EDN1: variants seen among roughly 807,000 people sequenced by gnomAD.
EDN1 encodes the protein endothelin-1.
EDN1 carries 11 observed loss-of-function variants against 21.7 expected under a neutral mutation model. That is an observed-to-expected ratio of 0.51 (90% confidence interval 0.32 to 0.84). The LOEUF (loss-of-function observed/expected upper bound fraction) is 0.84. Among genes scored for constraint, EDN1 ranks in the 40% least tolerant of loss-of-function variants. The pLI is 0.03. For synonymous variants in EDN1, 85 were observed against 90.6 expected (o/e 0.94, Z 0.35); for missense variants, 244 against 262.3 (o/e 0.93, Z 0.48).
the EDN1 span, among the ~76,000 whole-genome samples, chr6:12,239,979 G>A: frequency 6.6e-6 from 1 of 152,118 alleles, no homozygotes; most frequent in African/African-American, 2.4e-5. Flanking sequence ...TTGAGTGAGA[G>A]AGAGGATTTG....
Position 12,296,002 on chromosome 6 carries a change from G to C in EDN1, c.574G>C (p.Asp192His), listed in dbSNP as rs759433680. The change falls in exon 5 of 5, where the codon GAT (aspartate) becomes CAT (histidine). Residue 192 changes from aspartate (D) to histidine (H), a missense_variant. By Grantham distance (81) the Asp-to-His change is moderately conservative (BLOSUM62 -1). Coordinates refer to ENST00000379375, the MANE Select transcript of EDN1 (RefSeq NM_001955.5). ...AAACAGCGTCAAATCATCTTTTCAT[G>C]ATCCCAAGCTGAAAGGCAAGCCCTC... ...MRNSVKSSFHDPKLKGKPSRE... is the reference protein window; with the variant it reads ...MRNSVKSSFHHPKLKGKPSRE... 1.1e-5 allele frequency: 18 copies of C among 1,613,972 alleles called. No homozygotes were observed. The highest frequency in any genetic ancestry group is 1.4e-5 in the Non-Finnish European group (17 of 1,179,996).
In EDN1 at chr6:12,295,305, G is replaced by A. The variant is rs367722822; in HGVS notation, c.534-657G>A. Among the ~76,000 whole-genome samples, 27 of 152,032 alleles carry A rather than the reference G, an allele frequency of 1.8e-4. No individual in the cohort carries two copies. In the South Asian group the frequency reaches 4.8e-3, roughly 27 times the overall value. ...GATTTGTGGGGCAGCCTCAGCTATC[G>A]GTTTCTTCACACCTGCTTATGAGAG... On this transcript the variant is annotated intron_variant, in intron 4 of 4. Coordinates refer to ENST00000379375, the MANE Select transcript of EDN1 (RefSeq NM_001955.5).
the EDN1 span, among the ~76,000 whole-genome samples, chr6:12,246,532 A>G: frequency 1.3e-5 from 2 of 152,146 alleles, no homozygotes; most frequent in South Asian, 4.1e-4. Context: ...ACACACAAGC[A>G]GTATCTGTAA....
chr6:12,294,920 C>CTTTCTT (rs1762783771), intron 4 of EDN1, among the ~76,000 whole-genome samples: 1 of 107,624 alleles, frequency 9.3e-6, no homozygotes, highest in South Asian at 3.5e-4. Flanking sequence ...GGTTTATGGT[C>CTTTCTT]TTTTTTTTTT....
the EDN1 span, among the ~76,000 whole-genome samples, chr6:12,284,200 G>A: frequency 6.6e-6 from 1 of 152,154 alleles, no homozygotes; most frequent in Admixed American, 6.5e-5. Context: ...GGAGTTTTCT[G>A]AGTCCAGATT....
At chr6:12,252,445 A>T in the EDN1 span, among the ~76,000 whole-genome samples, 544 of 152,336 alleles carry the variant, frequency 3.6e-3, no homozygotes, top group Non-Finnish European at 4.4e-3. Context: ...GTCCCTTGCC[A>T]TGTTAACTGT....
At chr6:12,281,209 T>G in the EDN1 span, among the ~76,000 whole-genome samples, 10 of 152,212 alleles carry the variant, frequency 6.6e-5, no homozygotes, top group African/African-American at 2.2e-4. Flanking sequence ...CTTCCATAAA[T>G]TGGATTTTGA....
chr6:12,242,773 T>C, the EDN1 span, among the ~76,000 whole-genome samples: 6 of 152,028 alleles, frequency 3.9e-5, no homozygotes, highest in Admixed American at 3.3e-4. Flanking sequence ...CCTTTCTGTT[T>C]CTCCAGCCCT....
At chr6:12,247,804 G>T in the EDN1 span, among the ~76,000 whole-genome samples, 1 of 152,026 alleles carries the variant, frequency 6.6e-6, no homozygotes, top group Non-Finnish European at 1.5e-5. Flanking sequence ...CTCCCAAAGT[G>T]CTGGGATTAC....
rs532617635 is a variant in EDN1 at position 12,292,706 on chromosome 6, T to C, written c.233+197T>C. Among the ~76,000 whole-genome samples the C allele has an allele frequency of 2.6e-5, 4 of 152,298 alleles. No homozygotes were observed. In the East Asian group the frequency reaches 5.8e-4, roughly 22 times the overall value. ...CTTAGCAACCAAGGGGAGGGTCTTCTGAGGCCCCGTAGCTCAGGCTACTCA... is the reference window on the plus strand; with the variant it reads ...CTTAGCAACCAAGGGGAGGGTCTTCCGAGGCCCCGTAGCTCAGGCTACTCA... On this transcript the variant is annotated intron_variant, in intron 2 of 4. Coordinates refer to ENST00000379375, the MANE Select transcript of EDN1 (RefSeq NM_001955.5).
At chr6:12,236,289 T>C in the EDN1 span, among the ~76,000 whole-genome samples, 1 of 60,732 alleles carries the variant, frequency 1.6e-5, no homozygotes, top group South Asian at 7.8e-4. Context: ...GCCAAACAAT[T>C]TTTTTTTTTT....
At chr6:12,234,966 T>C in the EDN1 span, among the ~76,000 whole-genome samples, 51,681 of 152,142 alleles carry the variant, frequency 0.34, 9,573 homozygotes, top group South Asian at 0.48. Flanking sequence ...CTTCCTGAAC[T>C]GAAATTCAGT....
chr6:12,285,956 A>G (rs962739394), upstream of EDN1, among the ~76,000 whole-genome samples: 1 of 152,132 alleles, frequency 6.6e-6, no homozygotes, highest in African/African-American at 2.4e-5. Flanking sequence ...AACCATACCA[A>G]CCATGATTTC....
the EDN1 span, among the ~76,000 whole-genome samples, chr6:12,262,365 G>A: frequency 7.2e-5 from 11 of 152,292 alleles, no homozygotes; most frequent in African/African-American, 2.4e-4. Context: ...TTGTGTGGGA[G>A]CCTTCCGGGA....
the EDN1 span, among the ~76,000 whole-genome samples, chr6:12,284,736 GAAGGAAGGAAGGAAGA>G: frequency 2.2e-3 from 280 of 124,802 alleles, no homozygotes; most frequent in African/African-American, 7.1e-3. Context: ...AGGAAGGAAG[GAAGGAAGGAAGGAAGA>G]AAGAAAGAAA....
At chr6:12,237,896 G>A in the EDN1 span, among the ~76,000 whole-genome samples, 5 of 152,222 alleles carry the variant, frequency 3.3e-5, no homozygotes, top group African/African-American at 9.6e-5. Flanking sequence ...CCCAGCGGGC[G>A]CGGTGGCTCA....
chr6:12,243,920 AAGTATTT>A, the EDN1 span, among the ~76,000 whole-genome samples: 1 of 152,182 alleles, frequency 6.6e-6, no homozygotes, highest in African/African-American at 2.4e-5. Context: ...TCAATTGAGA[AAGTATTT>A]AGTTACTCGT....
the EDN1 span, among the ~76,000 whole-genome samples, chr6:12,266,670 G>T: frequency 1.3e-5 from 2 of 152,208 alleles, no homozygotes; most frequent in Non-Finnish European, 2.9e-5. Flanking sequence ...CCCAGGAAAG[G>T]TGACAACTAA....
At chr6:12,288,985 TTTG>T (rs1762612140), upstream of EDN1, among the ~76,000 whole-genome samples, 1 of 152,162 alleles carries the variant, frequency 6.6e-6, no homozygotes, top group Non-Finnish European at 1.5e-5. Context: ...CTGTGAGCGC[TTTG>T]GTGGAGAACA....
Sources: gnomAD v4.1 joint callset for allele counts (sites outside exome capture counted in the v4.1 genomes callset) on GRCh38, gnomAD v4.1.1 for gene constraint, MANE v1.5 for transcripts, NCBI Gene and HGNC (gene_info 2026-07-23, HGNC 2026-07-21) for gene names.